Variants in TYK2 observed in about 807,000 individuals in gnomAD.
The protein encoded by TYK2 is tyrosine kinase 2, also known as non-receptor tyrosine-protein kinase TYK2.
TYK2 carries 65 observed loss-of-function variants against 130.9 expected under a neutral mutation model. That is an observed-to-expected ratio of 0.50 (90% CI 0.41 to 0.61). The LOEUF is 0.61. TYK2 is among the 20% of genes least tolerant of loss of function. TYK2 has a pLI of 0.00. For missense variants in TYK2, 1,378 were observed against 1,610.7 expected (o/e 0.86, Z 2.47); for synonymous variants, 647 against 658.9 (o/e 0.98, Z 0.28).
intron 3 of TYK2, among the ~76,000 whole-genome samples, chr19:10,372,212 C>T (rs536322138): frequency 2.7e-5 from 4 of 150,436 alleles, no homozygotes; most frequent in African/African-American, 9.7e-5. Context: ...CCAGGACGGT[C>T]GCAATCTCCT....
chr19:10,354,502 C>A lies in TYK2; in HGVS notation c.2715+10G>T. 1.9e-6 allele frequency: 3 copies of A among 1,613,462 alleles called. No individual in the cohort carries two copies. The highest frequency in any genetic ancestry group is 4.5e-5 in the East Asian group (2 of 44,884). ...GGCGGGCCTTTTAGCAGCTCAGGCC[C>A]GTCCCTCACCTCGCCCAGATCTCGG... On this transcript the variant is annotated intron_variant, in intron 19 of 24. Coordinates refer to ENST00000525621, the MANE Select transcript of TYK2 (RefSeq NM_003331.5).
intron 3 of TYK2, among the ~76,000 whole-genome samples, chr19:10,370,180 G>A (rs934489588): frequency 6.6e-6 from 1 of 151,124 alleles, no homozygotes; most frequent in Non-Finnish European, 1.5e-5. Flanking sequence ...TGGCCAGCAT[G>A]GTGAAATCCC....
intron 3 of TYK2, among the ~76,000 whole-genome samples, chr19:10,372,476 A>ATTT (rs1568343170): frequency 1.4e-4 from 9 of 63,688 alleles, no homozygotes; most frequent in African/African-American, 8.8e-4. Flanking sequence ...ATATATATAT[A>ATTT]TATATATATT....
In TYK2 at chr19:10,358,093, G is replaced by C. The variant is rs1447813079; in HGVS notation, c.2221C>G (p.Leu741Val). 3.1e-6 allele frequency: 5 copies of C among 1,612,226 alleles called. No individual in the cohort carries two copies. The East Asian group carries it at 8.9e-5, about 29-fold the overall frequency. ...TCTGCCAACCCCAGCCGGGCCAGCA[G>C]GATGTTCCGGCCACACACATTACCA... Reference protein sequence around the residue: ...VHGNVCGRNILLARLGLAEGT... With the variant: ...VHGNVCGRNIVLARLGLAEGT... The change falls in exon 16 of 25, where the codon CTG (leucine) becomes GTG (valine). Residue 741 changes from leucine (L) to valine (V), a missense_variant. Coordinates refer to ENST00000525621, the MANE Select transcript of TYK2 (RefSeq NM_003331.5).
At chr19:10,359,115 C>T (rs1289340970) in intron 15 of TYK2, 60 bp downstream of exon 15, 8 of 1,589,858 alleles carry the variant, frequency 5.0e-6, no homozygotes, top group South Asian at 4.4e-5. Flanking sequence ...AGGCTGGTCT[C>T]GAACTCCTGG....
At chr19:10,379,045 G>A (rs927445333) in intron 2 of TYK2, among the ~76,000 whole-genome samples, 1 of 152,068 alleles carries the variant, frequency 6.6e-6, no homozygotes, top group African/African-American at 2.4e-5. Flanking sequence ...TTTTAGTAGA[G>A]ACAGGGTTTT....
At chr19:10,363,276 A>C (rs1446396018) in intron 9 of TYK2, among the ~76,000 whole-genome samples, 1 of 146,290 alleles carries the variant, frequency 6.8e-6, no homozygotes, top group Non-Finnish European at 1.5e-5. Flanking sequence ...TTCAGCCTGG[A>C]CCTCCCAGGC....
chr19:10,354,534 T>C lies in TYK2; in HGVS notation c.2693A>G (p.Lys898Arg), dbSNP rs768589194. Residue 898 changes from lysine (K) to arginine (R), a missense_variant, in exon 19 of 25, where the codon AAA becomes AGA. Physicochemically the swap from Lys to Arg is conservative, Grantham distance 26 (BLOSUM62 2). Transcript: ENST00000525621. ...CACCTCGCCCAGATCTCGGATCTTT[T>C]TCAAATAGCGCTTGTGGAAAACCGT... ...DPTVFHKRYLKKIRDLGEGHF... is the reference protein window; with the variant it reads ...DPTVFHKRYLRKIRDLGEGHF... The C allele has an allele frequency of 5.0e-6, 8 of 1,614,056 alleles. No homozygotes were observed. The highest frequency in any genetic ancestry group is 5.1e-6 in the Non-Finnish European group (6 of 1,180,026).
In TYK2 at chr19:10,350,776, G is replaced by A. The variant is rs2040757927; in HGVS notation, c.*58C>T. 1.3e-6 allele frequency: 2 copies of A among 1,595,954 alleles called. No homozygotes were observed. Among genetic ancestry groups the A allele is most frequent in the Non-Finnish European group, 1.7e-6 (2 of 1,168,402 alleles). On this transcript the variant is annotated 3_prime_UTR_variant, in exon 25 of 25. Transcript: ENST00000525621. ...TTTCATCCTGGAGCAGGGAGCAGGA[G>A]GCTCCCTCTGCAGCCACTGCCTGGT...
Position 10,352,556 on chromosome 19 carries a change from G to T in TYK2, c.3201-5C>A. On this transcript the variant is annotated splice_region_variant and splice_polypyrimidine_tract_variant and intron_variant, in intron 22 of 24. Transcript: ENST00000525621. ...TTCAGGCACTCTGGGGCATACCTAGGGGGAGGGGGGCACTCAGGCCACGGG... is the reference window on the plus strand; with the variant it reads ...TTCAGGCACTCTGGGGCATACCTAGTGGGAGGGGGGCACTCAGGCCACGGG... 1 of 1,478,940 alleles carries T rather than the reference G, an allele frequency of 6.8e-7. No homozygotes were observed. The highest frequency in any genetic ancestry group is 9.2e-7 in the Non-Finnish European group (1 of 1,085,918). 91.6% of individuals were successfully genotyped at this position (1,478,940 alleles called of 1,614,324 possible). A position where few individuals can be genotyped will look rare whatever the true frequency, so the allele number is the denominator to read the frequency against.
In TYK2 at chr19:10,356,525, C is replaced by A. The variant is rs141863943; in HGVS notation, c.2617+43G>T. The A allele has an allele frequency of 6.5e-4, 1,044 of 1,609,564 alleles. 6 individuals are homozygous for A. The African/African-American group carries it at 8.8e-3, about 14-fold the overall frequency. On this transcript the variant is annotated intron_variant, in intron 18 of 24. Coordinates refer to ENST00000525621, the MANE Select transcript of TYK2 (RefSeq NM_003331.5). ...TAGGCATACAGCAGGGATCCCAGCC[C>A]CGTCCCACTTCCCCAGGGTCCCAGC... is the stretch of plus-strand genomic sequence containing the variant.
At position 10,354,115 on chromosome 19, in the gene TYK2, C is replaced by T; in HGVS notation, c.2835G>A (p.Lys945=). 1 of 1,614,132 alleles carries T rather than the reference C, an allele frequency of 6.2e-7. No individual in the cohort carries two copies. Among genetic ancestry groups the T allele is most frequent in the Non-Finnish European group, 8.5e-7 (1 of 1,180,028 alleles). Residue 945 remains lysine (K), a synonymous_variant, in exon 20 of 25, where the codon AAG becomes AAA. Transcript: ENST00000525621. ...GCGTGCGCAGAATGTCAATCTCCTGCTTCCAGCCCGAGCGGTGCTGGGGGC... is the reference window on the plus strand; with the variant it reads ...GCGTGCGCAGAATGTCAATCTCCTGTTTCCAGCCCGAGCGGTGCTGGGGGC... ...DCGPQHRSGW[K]QEIDILRTLY...
intron 3 of TYK2, 41 bp downstream of exon 3, chr19:10,378,173 C>T (rs2042240934): frequency 6.2e-7 from 1 of 1,604,774 alleles, no homozygotes; most frequent in Non-Finnish European, 8.5e-7. Context: ...GCTGCTTGCA[C>T]ACCCACCCCA....
Position 10,364,834 on chromosome 19 carries a change from C to A in TYK2, c.1209+17G>T. 1 of 1,613,998 alleles carries A rather than the reference C, an allele frequency of 6.2e-7. No individual in the cohort carries two copies. Among genetic ancestry groups the A allele is most frequent in the Non-Finnish European group, 8.5e-7 (1 of 1,180,034 alleles). On this transcript the variant is annotated intron_variant, in intron 8 of 24. Coordinates refer to ENST00000525621, the MANE Select transcript of TYK2 (RefSeq NM_003331.5). The surrounding 1 kb of genome is among the most constrained non-coding windows in gnomAD (Gnocchi z 4.9). ...GGCCATGATGGGCCCTAGCCCAGCC[C>A]CTACCCTGGGCCTCACCAGGCACTT...
In TYK2 at chr19:10,365,899, C is replaced by CT. The variant is rs778293105; in HGVS notation, c.630-2dup. 1.2e-6 allele frequency: 2 copies of CT among 1,605,184 alleles called. No individual in the cohort carries two copies. Among genetic ancestry groups the CT allele is most frequent in the Non-Finnish European group, 8.5e-7 (1 of 1,175,722 alleles). On this transcript the variant is annotated splice_acceptor_variant, in intron 6 of 24. Coordinates refer to ENST00000525621, the MANE Select transcript of TYK2 (RefSeq NM_003331.5). LOFTEE classifies it high-confidence loss of function. ...GGAGCGCGGGATGCAGTCCTTGAAG[C>CT]TGGGGGGAAACACAGTGAGGGGCTG...
rs568701051 is a variant in TYK2, at chr19:10,367,844, T to C, written c.465+211A>G. 6.0e-5 allele frequency among the ~76,000 whole-genome samples: 9 copies of C among 150,106 alleles called. No homozygotes were observed. The South Asian group carries it at 8.4e-4, about 14-fold the overall frequency. On this transcript the variant is annotated intron_variant, in intron 5 of 24. Transcript: ENST00000525621. ...CTGAGGCAGGAAAATGACGGGAACC[T>C]GGGAGGCGGAGCTTGCAGTGAGCCG...
At chr19:10,372,496 T>A (rs1364028224) in intron 3 of TYK2, among the ~76,000 whole-genome samples, 5 of 102,688 alleles carry the variant, frequency 4.9e-5, no homozygotes, top group African/African-American at 1.6e-4. Flanking sequence ...TTTTTTTTTT[T>A]TTTTTTTTTT....
At chr19:10,365,435 C>CA in intron 7 of TYK2, 82 bp downstream of exon 7, 1 of 1,594,608 alleles carries the variant, frequency 6.3e-7, no homozygotes, top group Non-Finnish European at 8.5e-7. Context: ...CAGCCACCCT[C>CA]AGAGGCTAGG....
rs1199998455 is a variant in TYK2, at chr19:10,350,805, G to A, written c.*29C>T. 1.9e-6 allele frequency: 3 copies of A among 1,611,886 alleles called. No homozygotes were observed. Among genetic ancestry groups the A allele is most frequent in the South Asian group, 2.2e-5 (2 of 91,008 alleles). ...CCCTCTGCAGCCACTGCCTGGTCCAGTCCTCCCAGGCAGGGCTGCCATTGT... is the reference window on the plus strand; with the variant it reads ...CCCTCTGCAGCCACTGCCTGGTCCAATCCTCCCAGGCAGGGCTGCCATTGT... On this transcript the variant is annotated 3_prime_UTR_variant, in exon 25 of 25. Coordinates refer to ENST00000525621, the MANE Select transcript of TYK2 (RefSeq NM_003331.5).
Sources: allele counts gnomAD v4.1 joint callset (sites outside exome capture counted in the v4.1 genomes callset), GRCh38; gene constraint gnomAD v4.1.1; non-coding constraint Gnocchi (gnomAD v3.1); transcripts MANE v1.5; gene names NCBI Gene and HGNC (gene_info 2026-07-23, HGNC 2026-07-21).